Variants in AP1G1 observed in about 807,000 individuals in gnomAD.
AP1G1 encodes AP-1 complex subunit gamma-1.
In AP1G1, 7 loss-of-function variants were observed where a neutral mutation model predicts 108.3. That is an observed-to-expected ratio of 0.06 (90% CI 0.04 to 0.12). AP1G1 has a LOEUF of 0.12. Among genes scored for constraint, AP1G1 ranks in the 10% least tolerant of loss-of-function variants. AP1G1 has a pLI of 1.00. For synonymous variants in AP1G1, 379 were observed against 353.5 expected (o/e 1.07, Z -0.81); for missense variants, 756 against 1,010.7 (o/e 0.75, Z 3.42).
chr16:71,754,033 G>A, intron 12 of AP1G1, 146 bp from the exon 13 acceptor site: 1 of 719,952 alleles, frequency 1.4e-6, no homozygotes, highest in Non-Finnish European at 2.4e-6. Flanking sequence ...GAGCTCAGGA[G>A]TTCGAGACCA....
chr16:71,806,663 A>T, intron 1 of AP1G1: 1 of 1,274,684 alleles, frequency 7.8e-7, no homozygotes. Context: ...ACATTTCAGT[A>T]GTAACTGCGA....
chr16:71,741,210 G>T (rs2045616188), intron 19 of AP1G1, among the ~76,000 whole-genome samples: 1 of 152,152 alleles, frequency 6.6e-6, no homozygotes, highest in African/African-American at 2.4e-5. Context: ...ATGAAATAAA[G>T]GAAGGCTAGA....
intron 21 of AP1G1, among the ~76,000 whole-genome samples, chr16:71,736,118 ATATATAT>A (rs377209241): frequency 0.012 from 704 of 57,010 alleles, 25 homozygotes; most frequent in African/African-American, 0.028. Context: ...AAAAAAAAAA[ATATATAT>A]ATATATATAT....
At chr16:71,797,931 T>C (rs910534341) in intron 1 of AP1G1, among the ~76,000 whole-genome samples, 1 of 152,204 alleles carries the variant, frequency 6.6e-6, no homozygotes, top group African/African-American at 2.4e-5. Context: ...GATGGTATAA[T>C]ATTTACTTTT....
chr16:71,755,448 A>C (rs1405428990), intron 12 of AP1G1, among the ~76,000 whole-genome samples: 1 of 152,114 alleles, frequency 6.6e-6, no homozygotes, highest in Admixed American at 6.5e-5. Context: ...AAAAAACCCA[A>C]AACAAAAAAA....
At chr16:71,769,909 G>A (rs1395017936) in intron 5 of AP1G1, among the ~76,000 whole-genome samples, 1 of 152,300 alleles carries the variant, frequency 6.6e-6, no homozygotes, top group African/African-American at 2.4e-5. Flanking sequence ...AAATCGGAAT[G>A]TTTTCAACAA....
chr16:71,750,005 T>A, intron 14 of AP1G1, 22 bp from the exon 15 acceptor site: 3 of 1,593,164 alleles, frequency 1.9e-6, no homozygotes, highest in Non-Finnish European at 2.6e-6. Flanking sequence ...AAAGTCAACG[T>A]TTCTCAAGAA....
At chr16:71,759,612 T>C (rs2030979721) in intron 10 of AP1G1, among the ~76,000 whole-genome samples, 1 of 150,854 alleles carries the variant, frequency 6.6e-6, no homozygotes, top group South Asian at 2.1e-4. Flanking sequence ...TACAAAAAAC[T>C]AGCTGGGCGT....
intron 11 of AP1G1, chr16:71,758,318 C>A: frequency 2.2e-6 from 1 of 445,764 alleles, no homozygotes; most frequent in South Asian, 1.6e-5. Context: ...AGAGTGCTAC[C>A]TGCTGCCTAA....
intron 21 of AP1G1, among the ~76,000 whole-genome samples, chr16:71,736,117 A>AAAAAAAAAAAAAAT (rs1555550846): frequency 6.0e-4 from 43 of 71,624 alleles, no homozygotes; most frequent in East Asian, 9.5e-4. Context: ...AAAAAAAAAA[A>AAAAAAAAAAAAAAT]ATATATATAT....
intron 1 of AP1G1, among the ~76,000 whole-genome samples, chr16:71,792,505 G>A (rs2032441390): frequency 6.6e-6 from 1 of 152,108 alleles, no homozygotes; most frequent in Non-Finnish European, 1.5e-5. Context: ...GCACTGAAAG[G>A]AAGGAGGCAC....
intron 6 of AP1G1, chr16:71,767,837 AATGC>A: frequency 6.3e-7 from 1 of 1,593,020 alleles, no homozygotes; most frequent in South Asian, 1.1e-5. Flanking sequence ...CTAAGGACCT[AATGC>A]CAGCATGCAC....
intron 2 of AP1G1, among the ~76,000 whole-genome samples, chr16:71,777,082 C>A (rs1168037193): frequency 8.1e-6 from 1 of 124,072 alleles, no homozygotes; most frequent in African/African-American, 3.3e-5. Context: ...TGCACTCCAG[C>A]CTAGGAAAAC....
intron 7 of AP1G1, among the ~76,000 whole-genome samples, chr16:71,765,127 G>C (rs1000200714): frequency 2.0e-5 from 3 of 152,186 alleles, no homozygotes; most frequent in African/African-American, 7.2e-5. Flanking sequence ...GGCTACTTGA[G>C]TCCAGGAGTT....
In AP1G1 at chr16:71,731,217, T is replaced by A. The variant is rs1380718059; in HGVS notation, c.*1841A>T. The A allele has an allele frequency of 6.6e-6, 1 of 152,540 alleles. No individual in the cohort carries two copies. Among genetic ancestry groups the A allele is most frequent in the Non-Finnish European group, 1.5e-5 (1 of 68,054 alleles). 9.4% of individuals were successfully genotyped at this position (152,540 alleles called of 1,614,324 possible). ...ACTGAAAACTATGCAGGAGATATTA[T>A]CCTGTTCTTGACTCAGTCAACCATT... On this transcript the variant is annotated 3_prime_UTR_variant, in exon 23 of 23. Coordinates refer to ENST00000299980, the MANE Select transcript of AP1G1 (RefSeq NM_001128.6).
chr16:71,754,271 A>G (rs1393382397), intron 12 of AP1G1, among the ~76,000 whole-genome samples: 1 of 151,438 alleles, frequency 6.6e-6, no homozygotes, highest in Non-Finnish European at 1.5e-5. Flanking sequence ...AGAAAGAAGG[A>G]AAGAAGATGG....
chr16:71,803,803 T>C (rs1302138888), intron 1 of AP1G1, among the ~76,000 whole-genome samples: 1 of 151,106 alleles, frequency 6.6e-6, no homozygotes, highest in Non-Finnish European at 1.5e-5. Context: ...CGCACACCTG[T>C]AGTCCCAGCT....
intron 21 of AP1G1, among the ~76,000 whole-genome samples, chr16:71,735,410 T>A (rs2045521278): frequency 6.6e-6 from 1 of 152,182 alleles, no homozygotes. Context: ...AAGCCTGTAA[T>A]CCCAGCACTT....
At chr16:71,762,991 T>A (rs578236689) in intron 9 of AP1G1, among the ~76,000 whole-genome samples, 5 of 152,290 alleles carry the variant, frequency 3.3e-5, no homozygotes, top group African/African-American at 1.2e-4. Context: ...AGTGTCAGAA[T>A]TGAATTCAAT....
Sources: gnomAD v4.1 joint callset for allele counts (sites outside exome capture counted in the v4.1 genomes callset) on GRCh38, gnomAD v4.1.1 for gene constraint, MANE v1.5 for transcripts, NCBI Gene and HGNC (gene_info 2026-07-23, HGNC 2026-07-21) for gene names.